Variants in GPHN observed in about 807,000 individuals in gnomAD.
GPHN encodes gephyrin.
A neutral mutation model predicts 95.5 loss-of-function variants in GPHN; 17 were observed. The ratio of observed to expected loss-of-function variants is 0.18; its 90% CI spans 0.12 to 0.27. The LOEUF (loss-of-function observed/expected upper bound fraction) is 0.27. Among genes scored for constraint, GPHN ranks in the 10% least tolerant of loss-of-function variants. The probability of loss-of-function intolerance (pLI) is 1.00; values close to 1 mark genes in which losing one functional copy is unlikely to be tolerated. For missense variants in GPHN, 660 were observed against 978.1 expected (o/e 0.67, Z 4.34); for synonymous variants, 320 against 322.5 (o/e 0.99, Z 0.08).
chr14:67,677,363 A>ATTTTTTTTTTT, the GPHN span: 13 of 31,978 alleles, frequency 4.1e-4, 2 homozygotes, highest in African/African-American at 8.2e-4. Flanking sequence ...TGTTTTTAGG[A>ATTTTTTTTTTT]TTTTTTTTTT....
At chr14:67,338,799 T>A in the GPHN span, 2 of 1,562,896 alleles carry the variant, frequency 1.3e-6, no homozygotes, top group Non-Finnish European at 1.7e-6. Context: ...TTTTAAACAC[T>A]GTTTCAATAT....
the GPHN span, among the ~76,000 whole-genome samples, chr14:67,449,710 A>C: frequency 6.6e-6 from 1 of 152,150 alleles, no homozygotes; most frequent in African/African-American, 2.4e-5. Flanking sequence ...TGTGGGAGGA[A>C]CCCAGTGGGA....
intron 4 of GPHN, among the ~76,000 whole-genome samples, chr14:66,874,130 C>G (rs2063555525): frequency 6.6e-6 from 1 of 152,184 alleles, no homozygotes; most frequent in African/African-American, 2.4e-5. Flanking sequence ...GAGTGGACAT[C>G]CAGCAAACTC....
intron 17 of GPHN, among the ~76,000 whole-genome samples, chr14:67,136,050 T>G (rs1595320472): frequency 1.3e-5 from 2 of 152,240 alleles, no homozygotes; most frequent in East Asian, 3.8e-4. Flanking sequence ...GAATCTGTAT[T>G]AGTGTTTTAA....
At chr14:67,200,020 C>A in the GPHN span, 1 of 957,228 alleles carries the variant, frequency 1.0e-6, no homozygotes, top group Non-Finnish European at 1.6e-6. Context: ...TGGTTTAGGA[C>A]ATCCCCATTC....
At chr14:66,682,972 T>A (rs1047422655) in intron 2 of GPHN, among the ~76,000 whole-genome samples, 2 of 152,044 alleles carry the variant, frequency 1.3e-5, no homozygotes, top group Admixed American at 1.3e-4. Flanking sequence ...ATTCATCATT[T>A]AACCTACCAC....
At chr14:67,134,214 G>A (rs990790350) in intron 17 of GPHN, among the ~76,000 whole-genome samples, 6 of 152,186 alleles carry the variant, frequency 3.9e-5, no homozygotes, top group African/African-American at 1.4e-4. Flanking sequence ...TAGTGAGAAA[G>A]ATCTCTACTG....
chr14:67,001,033 T>C (rs1211156533), intron 9 of GPHN, among the ~76,000 whole-genome samples: 2 of 151,548 alleles, frequency 1.3e-5, no homozygotes, highest in Non-Finnish European at 1.5e-5. Flanking sequence ...TCAGTGAAAA[T>C]AGGGCAAGAA....
At chr14:67,423,790 T>C in the GPHN span, among the ~76,000 whole-genome samples, 1 of 152,174 alleles carries the variant, frequency 6.6e-6, no homozygotes, top group South Asian at 2.1e-4. Context: ...TGTCACAATA[T>C]CCAGAAGTGT....
chr14:66,777,068 C>T (rs542454285), intron 3 of GPHN, among the ~76,000 whole-genome samples: 47 of 148,798 alleles, frequency 3.2e-4, no homozygotes, highest in Non-Finnish European at 1.5e-4. Flanking sequence ...ATTGATAGAC[C>T]GCTAGCAAGA....
chr14:66,924,564 G>T (rs1455672507), intron 8 of GPHN, among the ~76,000 whole-genome samples: 1 of 152,132 alleles, frequency 6.6e-6, no homozygotes, highest in African/African-American at 2.4e-5. Context: ...TCATTGCTCA[G>T]AAGTTATTTT....
intron 2 of GPHN, among the ~76,000 whole-genome samples, chr14:66,751,040 T>C (rs1392802078): frequency 1.3e-5 from 2 of 152,002 alleles, no homozygotes; most frequent in African/African-American, 4.8e-5. Flanking sequence ...TTTTTAAAAG[T>C]AGCAGAAAAA....
At chr14:67,043,156 T>G (rs539295731) in intron 10 of GPHN, among the ~76,000 whole-genome samples, 14 of 152,216 alleles carry the variant, frequency 9.2e-5, no homozygotes, top group Non-Finnish European at 1.3e-4. Context: ...TTTCTAAATA[T>G]ACAATCATGT....
Position 66,950,739 on chromosome 14 carries a change from G to C in GPHN, c.829-14452G>C, listed in dbSNP as rs540122339. On this transcript the variant is annotated intron_variant, in intron 8 of 22. Transcript: ENST00000478722. ...CATGAGCACACACTCACTAAAAAAA[G>C]AAAATGAAACATAGATAAGATTAAT... 5.3e-5 allele frequency among the ~76,000 whole-genome samples: 8 copies of C among 152,150 alleles called. No individual in the cohort carries two copies. In the South Asian group the frequency reaches 1.7e-3, roughly 32 times the overall value.
the GPHN span, among the ~76,000 whole-genome samples, chr14:67,255,008 G>A: frequency 6.6e-6 from 1 of 152,184 alleles, no homozygotes; most frequent in South Asian, 2.1e-4. Flanking sequence ...AATTAGCTGG[G>A]TGTGGTGGCG....
chr14:66,773,181 T>TAC (rs1467303824), intron 2 of GPHN, among the ~76,000 whole-genome samples: 1 of 152,152 alleles, frequency 6.6e-6, no homozygotes, highest in Non-Finnish European at 1.5e-5. Flanking sequence ...ATGAAGTGTA[T>TAC]GTCAGGAAAA....
At chr14:67,579,349 C>T in the GPHN span, 2 of 1,431,322 alleles carry the variant, frequency 1.4e-6, no homozygotes, top group Non-Finnish European at 1.8e-6. Flanking sequence ...CGAGTCTTCT[C>T]ACGTCACCAT....
the GPHN span, among the ~76,000 whole-genome samples, chr14:67,687,707 G>A: frequency 6.6e-6 from 1 of 151,548 alleles, no homozygotes; most frequent in African/African-American, 2.4e-5. Flanking sequence ...CTGACCTCAG[G>A]TGATCTACCC....
At chr14:67,110,695 T>G (rs2078315750) in intron 14 of GPHN, among the ~76,000 whole-genome samples, 1 of 152,172 alleles carries the variant, frequency 6.6e-6, no homozygotes, top group Non-Finnish European at 1.5e-5. Flanking sequence ...GAAATCAGAA[T>G]TTACTAGAGA....
Sources: allele counts gnomAD v4.1 joint callset (sites outside exome capture counted in the v4.1 genomes callset), GRCh38; gene constraint gnomAD v4.1.1; transcripts MANE v1.5; gene names NCBI Gene and HGNC (gene_info 2026-07-23, HGNC 2026-07-21).